The following JDP2 variants were observed in gnomAD, a reference collection of about 807,000 sequenced individuals.
JDP2 encodes progesterone receptor co-activator.
Under a neutral mutation model 17.1 loss-of-function variants are expected in JDP2, and 9 were observed. That is an observed-to-expected ratio of 0.53 (90% CI 0.32 to 0.92). JDP2 has a LOEUF of 0.92. JDP2 is among the 40% of genes least tolerant of loss of function. The pLI is 0.04. For synonymous variants in JDP2, 107 were observed against 95.6 expected, an observed-to-expected ratio of 1.12 and a Z score of -0.69; for missense variants, 179 against 220.0, an observed-to-expected ratio of 0.81 and a Z score of 1.18.
In JDP2 at chr14:75,428,335, C is replaced by G. The variant is rs1198574443; in HGVS notation, c.-24+83C>G. 6.7e-6 allele frequency: 1 copy of G among 148,866 alleles called. No homozygotes were observed. The highest frequency in any genetic ancestry group is 2.4e-5 in the African/African-American group (1 of 41,024). 9.2% of individuals were successfully genotyped at this position (148,866 alleles called of 1,614,324 possible). A position where few individuals can be genotyped will look rare whatever the true frequency, so the allele number is the denominator to read the frequency against. On this transcript the variant is annotated intron_variant, in intron 1 of 3. Coordinates refer to ENST00000651602, the MANE Select transcript of JDP2 (RefSeq NM_001135048.2). This position sits in a 1 kb window ranked among gnomAD's most constrained non-coding sequence, Gnocchi z 5.6. Reference sequence around the variant, plus strand: ...GCGCGGGCACCTGGGACGGCCGCCCCCGCACGGGCGGAGCGCGAGGAGCCC... The same window carrying G: ...GCGCGGGCACCTGGGACGGCCGCCCGCGCACGGGCGGAGCGCGAGGAGCCC...
chr14:75,458,236 G>T (rs1040620099), intron 2 of JDP2, among the ~76,000 whole-genome samples: 1 of 151,856 alleles, frequency 6.6e-6, no homozygotes, highest in Admixed American at 6.6e-5. Flanking sequence ...TTCATGTCAC[G>T]AGGGTTTGTT....
intron 2 of JDP2, chr14:75,445,171 C>T (rs1885538338): frequency 1.0e-6 from 1 of 985,196 alleles, no homozygotes; most frequent in Non-Finnish European, 1.2e-6. Context: ...ACTATGAAGC[C>T]ATTTAAGTCT....
chr14:75,456,568 C>A (rs1475177258), intron 2 of JDP2, among the ~76,000 whole-genome samples: 1 of 152,176 alleles, frequency 6.6e-6, no homozygotes, highest in East Asian at 1.9e-4. Flanking sequence ...TCTCTCCATC[C>A]CCCTTTCCCT....
At chr14:75,442,247 T>A (rs552873325) in intron 2 of JDP2, among the ~76,000 whole-genome samples, 7 of 152,282 alleles carry the variant, frequency 4.6e-5, no homozygotes, top group African/African-American at 1.4e-4. Flanking sequence ...ATTGCCATAT[T>A]TAAAAGCCGG....
At chr14:75,436,179 T>TG (rs1885055155) in intron 1 of JDP2, among the ~76,000 whole-genome samples, 1 of 152,220 alleles carries the variant, frequency 6.6e-6, no homozygotes, top group South Asian at 2.1e-4. Context: ...CTTGCACTCT[T>TG]GGCCAAAACA....
At chr14:75,462,106 T>C (rs183944429) in intron 3 of JDP2, among the ~76,000 whole-genome samples, 5 of 152,294 alleles carry the variant, frequency 3.3e-5, no homozygotes, top group Admixed American at 2.6e-4. Context: ...CATGTAGAGG[T>C]CAGCCAGGGG....
Position 75,472,607 on chromosome 14 carries a change from A to G in JDP2, c.*3132A>G, listed in dbSNP as rs1886838682. On this transcript the variant is annotated 3_prime_UTR_variant, in exon 4 of 4. Coordinates refer to ENST00000651602, the MANE Select transcript of JDP2 (RefSeq NM_001135048.2). ...TTTTTCTTATCTGTGAAGTGGGAAC[A>G]GTAATAATCCAAGTCTTTTTATGGA... 1 of 152,246 alleles carries G rather than the reference A, an allele frequency of 6.6e-6. No individual in the cohort carries two copies. The highest frequency in any genetic ancestry group is 1.5e-5 in the Non-Finnish European group (1 of 68,032). 9.4% of individuals were successfully genotyped at this position (152,246 alleles called of 1,614,324 possible).
intron 2 of JDP2, among the ~76,000 whole-genome samples, chr14:75,440,269 G>A (rs1473323702): frequency 1.3e-5 from 2 of 152,218 alleles, no homozygotes; most frequent in South Asian, 2.1e-4. Flanking sequence ...ATGGAGCTGC[G>A]AGATTGTACC....
At chr14:75,434,610 A>G (rs1884976785) in intron 1 of JDP2, among the ~76,000 whole-genome samples, 1 of 152,034 alleles carries the variant, frequency 6.6e-6, no homozygotes, top group African/African-American at 2.4e-5. Flanking sequence ...AAAATGCATT[A>G]TATTTTGGGA....
chr14:75,459,939 T>C (rs77362581), intron 2 of JDP2, among the ~76,000 whole-genome samples: 1,573 of 152,324 alleles, frequency 0.01, 21 homozygotes, highest in East Asian at 0.04. Context: ...TGAATCCTAA[T>C]CTGCTATTTT....
upstream of JDP2, chr14:75,426,947 C>A (rs760066651): frequency 9.2e-5 from 14 of 152,240 alleles, no homozygotes; most frequent in Non-Finnish European, 1.9e-4. The surrounding 1 kb of genome is among the most constrained non-coding windows in gnomAD (Gnocchi z 4.2). Flanking sequence ...ATCGTCACTC[C>A]TATCTGGCTT....
chr14:75,452,062 G>A (rs1459741425), intron 2 of JDP2, among the ~76,000 whole-genome samples: 3 of 152,210 alleles, frequency 2.0e-5, no homozygotes, highest in Non-Finnish European at 4.4e-5. Flanking sequence ...GGGACTACTG[G>A]TGTACACCAC....
At chr14:75,436,381 A>G (rs1323213063) in intron 1 of JDP2, among the ~76,000 whole-genome samples, 2 of 152,236 alleles carry the variant, frequency 1.3e-5, no homozygotes, top group Non-Finnish European at 2.9e-5. Context: ...TCTTCTGCCA[A>G]ATACATCTCT....
Position 75,474,075 on chromosome 14 carries a change from A to G in JDP2, c.*4600A>G, listed in dbSNP as rs1330171793. 6.6e-6 allele frequency: 1 copy of G among 152,024 alleles called. No homozygotes were observed. The highest frequency in any genetic ancestry group is 2.4e-5 in the African/African-American group (1 of 41,250). The allele number at this position is 152,024 out of a possible 1,614,324, so 9.4% of individuals were successfully genotyped here. A position where few individuals can be genotyped will look rare whatever the true frequency, so the allele number is the denominator to read the frequency against. ...CTCCACACTCCTCTGTATATTTGAT[A>G]TTCTTTGCAATAAAAGAGAACAAGC... On this transcript the variant is annotated 3_prime_UTR_variant, in exon 4 of 4. Transcript: ENST00000651602.
chr14:75,429,499 G>A (rs1884691000), intron 1 of JDP2, among the ~76,000 whole-genome samples: 1 of 152,130 alleles, frequency 6.6e-6, no homozygotes, highest in African/African-American at 2.4e-5. Flanking sequence ...GCCCTTGGTA[G>A]AAACTGCATT....
chr14:75,451,446 G>A (rs916739870), intron 2 of JDP2, among the ~76,000 whole-genome samples: 1 of 152,216 alleles, frequency 6.6e-6, no homozygotes, highest in Admixed American at 6.5e-5. Flanking sequence ...GGACATCCAC[G>A]TTGAGCGTCT....
intron 2 of JDP2, among the ~76,000 whole-genome samples, chr14:75,459,073 G>T (rs1436337275): frequency 6.6e-6 from 1 of 152,236 alleles, no homozygotes; most frequent in East Asian, 1.9e-4. Flanking sequence ...TGTGCAGGAT[G>T]GGGGTAGGGA....
At chr14:75,468,986 T>C (rs1886689297) in intron 3 of JDP2, among the ~76,000 whole-genome samples, 1 of 152,210 alleles carries the variant, frequency 6.6e-6, no homozygotes, top group Admixed American at 6.5e-5. Context: ...GTATTTGGCA[T>C]ATTTGAGCAA....
intron 3 of JDP2, among the ~76,000 whole-genome samples, chr14:75,466,050 A>AT (rs1375352953): frequency 1.3e-5 from 2 of 152,180 alleles, no homozygotes; most frequent in Non-Finnish European, 2.9e-5. Context: ...AAAAAAAAAG[A>AT]TTCTTCTGAA....
Sources: allele counts gnomAD v4.1 joint callset (sites outside exome capture counted in the v4.1 genomes callset), GRCh38; gene constraint gnomAD v4.1.1; non-coding constraint Gnocchi (gnomAD v3.1); transcripts MANE v1.5; gene names NCBI Gene and HGNC (gene_info 2026-07-23, HGNC 2026-07-21).